APPL1: variants seen among roughly 807,000 people sequenced by gnomAD.
APPL1 encodes the protein DCC-interacting protein 13-alpha.
In APPL1, 42 loss-of-function variants were observed where a neutral mutation model predicts 106.8. The ratio of observed to expected loss-of-function variants is 0.39; its 90% confidence interval spans 0.31 to 0.51. The LOEUF is 0.51. APPL1 is among the 20% of genes least tolerant of loss of function. The pLI, the probability that APPL1 is intolerant of heterozygous loss-of-function variation, is 0.75. For missense variants in APPL1, 769 were observed against 858.2 expected (o/e 0.90, Z 1.30); for synonymous variants, 263 against 281.8 (o/e 0.93, Z 0.67).
chr3:57,244,129 C>T (rs567669776), intron 7 of APPL1, among the ~76,000 whole-genome samples: 7 of 151,172 alleles, frequency 4.6e-5, no homozygotes, highest in Non-Finnish European at 7.4e-5. Context: ...CAGCAGTTCA[C>T]TTTGATTGGT....
chr3:57,237,947 G>T, intron 3 of APPL1, 98 bp from the exon 4 acceptor site: 2 of 891,302 alleles, frequency 2.2e-6, no homozygotes, highest in South Asian at 1.8e-5. Context: ...CAAAATTTTG[G>T]AAGTTTTCTG....
chr3:57,249,266 C>T, intron 10 of APPL1, 94 bp from the exon 11 acceptor site: 1 of 1,328,768 alleles, frequency 7.5e-7, no homozygotes, highest in Non-Finnish European at 1.1e-6. Context: ...TCTTCGCAAG[C>T]CAGTTCATTG....
chr3:57,261,370 T>A (rs1350138087), intron 19 of APPL1, among the ~76,000 whole-genome samples: 1 of 152,220 alleles, frequency 6.6e-6, no homozygotes, highest in Non-Finnish European at 1.5e-5. Flanking sequence ...TAATGAACAT[T>A]TAGATTGACT....
rs2060666428 is a variant in APPL1 at position 57,228,550 on chromosome 3, C to T, written c.54+613C>T. Among the ~76,000 whole-genome samples, 1 of 152,234 alleles carries T rather than the reference C, an allele frequency of 6.6e-6. No individual in the cohort carries two copies. Among genetic ancestry groups the T allele is most frequent in the South Asian group, 2.1e-4 (1 of 4,834 alleles). On this transcript the variant is annotated intron_variant, in intron 1 of 21. Coordinates refer to ENST00000288266, the MANE Select transcript of APPL1 (RefSeq NM_012096.3). The surrounding 1 kb of genome is among the most constrained non-coding windows in gnomAD (Gnocchi z 4.6). ...CACGGCGAGGGATGGACGGTGCCTTCGCCGCTCCGCGACTGCTGCGCTGCT... is the reference window on the plus strand; with the variant it reads ...CACGGCGAGGGATGGACGGTGCCTTTGCCGCTCCGCGACTGCTGCGCTGCT...
intron 5 of APPL1, among the ~76,000 whole-genome samples, chr3:57,241,149 G>A (rs907484840): frequency 6.6e-6 from 1 of 152,164 alleles, no homozygotes; most frequent in African/African-American, 2.4e-5. Flanking sequence ...TTTAAGGAGA[G>A]ACACAATTCC....
intron 7 of APPL1, among the ~76,000 whole-genome samples, chr3:57,244,029 A>G (rs1239528477): frequency 6.6e-6 from 1 of 152,190 alleles, no homozygotes; most frequent in Non-Finnish European, 1.5e-5. Context: ...ACCAGAGTAC[A>G]AGGATGACAA....
In APPL1 at chr3:57,228,081, C is replaced by A; in HGVS notation, c.54+144C>A. 1 of 685,426 alleles carries A rather than the reference C, an allele frequency of 1.5e-6. No individual in the cohort carries two copies. Among genetic ancestry groups the A allele is most frequent in the African/African-American group, 1.9e-5 (1 of 52,596 alleles). The allele number at this position is 685,426 out of a possible 1,614,324, so 42.5% of individuals were successfully genotyped here. A position where few individuals can be genotyped will look rare whatever the true frequency, so the allele number is the denominator to read the frequency against. ...AGGTCACCGCCCGTCGCAGGCCGCG[C>A]CCGGAGTTGTGGAGGCTGGGCCCGC... On this transcript the variant is annotated intron_variant, in intron 1 of 21. Coordinates refer to ENST00000288266, the MANE Select transcript of APPL1 (RefSeq NM_012096.3). The surrounding 1 kb of genome is among the most constrained non-coding windows in gnomAD (Gnocchi z 4.6).
In APPL1 at chr3:57,270,937, A is replaced by AC. The variant is rs2060933427; in HGVS notation, c.*1250_*1251insC. 1 of 152,132 alleles carries AC rather than the reference A, an allele frequency of 6.6e-6. No individual in the cohort carries two copies. Among genetic ancestry groups the AC allele is most frequent in the Admixed American group, 6.5e-5 (1 of 15,272 alleles). 9.4% of individuals were successfully genotyped at this position (152,132 alleles called of 1,614,324 possible). A position where few individuals can be genotyped will look rare whatever the true frequency, so the allele number is the denominator to read the frequency against. On this transcript the variant is annotated 3_prime_UTR_variant, in exon 22 of 22. Coordinates refer to ENST00000288266, the MANE Select transcript of APPL1 (RefSeq NM_012096.3). ...AACATTTCTCTACTGCCTATTGTTTATGTTAAACCTTAATTTTTTTTCTGT... is the reference window on the plus strand; with the variant it reads ...AACATTTCTCTACTGCCTATTGTTTACTGTTAAACCTTAATTTTTTTTCTGT...
At chr3:57,255,315 A>G (rs1434993214) in intron 13 of APPL1, among the ~76,000 whole-genome samples, 2 of 152,202 alleles carry the variant, frequency 1.3e-5, no homozygotes, top group Non-Finnish European at 2.9e-5. Context: ...TGGGAGGGCT[A>G]ATTTCTTTGG....
chr3:57,234,758 C>G (rs1384396320), intron 1 of APPL1, among the ~76,000 whole-genome samples: 1 of 152,010 alleles, frequency 6.6e-6, no homozygotes, highest in Non-Finnish European at 1.5e-5. Context: ...CAAGTTCAAG[C>G]TATTCTCTTG....
chr3:57,241,932 G>C (rs1167827097), intron 5 of APPL1, among the ~76,000 whole-genome samples, 169 bp from the exon 6 acceptor site: 2 of 152,152 alleles, frequency 1.3e-5, no homozygotes, highest in African/African-American at 2.4e-5. Context: ...GCTAATGATA[G>C]TAAATGTTTC....
intron 7 of APPL1, among the ~76,000 whole-genome samples, chr3:57,244,699 TAGAG>T (rs2060763893): frequency 6.6e-6 from 1 of 152,144 alleles, no homozygotes; most frequent in African/African-American, 2.4e-5. Flanking sequence ...AAATTTGTGT[TAGAG>T]GGAGTGGACA....
intron 19 of APPL1, among the ~76,000 whole-genome samples, chr3:57,263,884 T>C (rs539815198): frequency 6.6e-6 from 1 of 152,278 alleles, no homozygotes; most frequent in South Asian, 2.1e-4. Flanking sequence ...TATACTGATT[T>C]CCTTTTTTTA....
intron 1 of APPL1, among the ~76,000 whole-genome samples, chr3:57,233,544 C>G (rs2060700692): frequency 1.3e-5 from 2 of 150,660 alleles, no homozygotes; most frequent in South Asian, 4.2e-4. Context: ...ATGGCACTAG[C>G]CAAACAAGAT....
chr3:57,244,226 G>T (rs2060761030), intron 7 of APPL1, among the ~76,000 whole-genome samples: 2 of 151,816 alleles, frequency 1.3e-5, no homozygotes, highest in Non-Finnish European at 2.9e-5. Context: ...CTCCGTCTCG[G>T]CTCACTGCAA....
At chr3:57,234,816 C>T (rs563947596) in intron 1 of APPL1, among the ~76,000 whole-genome samples, 4 of 151,206 alleles carry the variant, frequency 2.6e-5, no homozygotes, top group Admixed American at 1.3e-4. Flanking sequence ...CCACCACACC[C>T]GGCTAATTTT....
intron 1 of APPL1, among the ~76,000 whole-genome samples, chr3:57,231,314 G>T (rs1438790505): frequency 6.9e-6 from 1 of 145,512 alleles, no homozygotes; most frequent in African/African-American, 2.5e-5. Flanking sequence ...ACTCCAGCCC[G>T]GGCAACCGTG....
At chr3:57,265,571 A>G (rs896599340) in intron 19 of APPL1, among the ~76,000 whole-genome samples, 4 of 152,250 alleles carry the variant, frequency 2.6e-5, no homozygotes, top group African/African-American at 4.8e-5. Context: ...CTGTTGGCAT[A>G]TAGAAATGCT....
intron 2 of APPL1, 68 bp downstream of exon 2, chr3:57,235,732 T>C: frequency 8.8e-7 from 1 of 1,136,346 alleles, no homozygotes; most frequent in Non-Finnish European, 1.3e-6. Context: ...GGACAGATAG[T>C]GTCTGTCTTG....
Sources: allele counts gnomAD v4.1 joint callset (sites outside exome capture counted in the v4.1 genomes callset), GRCh38; gene constraint gnomAD v4.1.1; non-coding constraint Gnocchi (gnomAD v3.1); transcripts MANE v1.5; gene names NCBI Gene and HGNC (gene_info 2026-07-23, HGNC 2026-07-21).